SEM1: variants seen among roughly 807,000 people sequenced by gnomAD.
SEM1 encodes 26S proteasome complex subunit SEM1.
A neutral mutation model predicts 12.7 loss-of-function variants in SEM1; 3 were observed. The observed-to-expected ratio is 0.24, with a 90% CI of 0.11 to 0.61. SEM1 has a LOEUF of 0.61. Ranked by LOEUF, SEM1 falls within the 20% of genes least tolerant of loss-of-function variation. The pLI, the probability that SEM1 is intolerant of heterozygous loss-of-function variation, is 0.88. For synonymous variants in SEM1, 30 were observed against 27.8 expected, an observed-to-expected ratio of 1.08 and a Z score of -0.25; for missense variants, 59 against 81.3, an observed-to-expected ratio of 0.73 and a Z score of 1.06.
intron 3 of SEM1, among the ~76,000 whole-genome samples, chr7:96,501,683 T>TTATGTG (rs1490568222): frequency 6.6e-6 from 1 of 152,200 alleles, no homozygotes; most frequent in African/African-American, 2.4e-5. Context: ...ATTATCATTA[T>TTATGTG]TATGTGTGCA....
At chr7:96,618,903 A>G (rs751806486), downstream of SEM1, among the ~76,000 whole-genome samples, 8 of 152,132 alleles carry the variant, frequency 5.3e-5, no homozygotes, top group Non-Finnish European at 1.2e-4. Context: ...GTGAGCCATG[A>G]TTACACCTCT....
chr7:96,541,852 G>T (rs1804965834), intron 2 of SEM1, among the ~76,000 whole-genome samples: 1 of 150,714 alleles, frequency 6.6e-6, no homozygotes, highest in Non-Finnish European at 1.5e-5. Context: ...TTTCCCCATT[G>T]CTTATTTTTG....
At chr7:96,501,372 A>T (rs1803532120) in intron 3 of SEM1, among the ~76,000 whole-genome samples, 1 of 152,132 alleles carries the variant, frequency 6.6e-6, no homozygotes, top group South Asian at 2.1e-4. Flanking sequence ...GATCTGAGCA[A>T]CATATAATTG....
chr7:96,492,014 G>C (rs780120939), intron 1 of SEM1, among the ~76,000 whole-genome samples: 13 of 152,058 alleles, frequency 8.5e-5, no homozygotes, highest in Non-Finnish European at 1.3e-4. Context: ...GCACTTCCTT[G>C]GTTTGCCCTC....
chr7:96,516,424 C>T (rs1474357152), intron 2 of SEM1, among the ~76,000 whole-genome samples: 1 of 152,068 alleles, frequency 6.6e-6, no homozygotes, highest in Admixed American at 6.6e-5. Context: ...GGGCCAAAGA[C>T]CTAAACAGAC....
At chr7:96,668,677 A>G (rs1584849829), downstream of SEM1, among the ~76,000 whole-genome samples, 2 of 152,178 alleles carry the variant, frequency 1.3e-5, no homozygotes, top group South Asian at 2.1e-4. Flanking sequence ...GTGACTTTGA[A>G]TAAGTTCCTT....
chr7:96,503,765 A>G (rs1032350320), intron 3 of SEM1, among the ~76,000 whole-genome samples: 1 of 152,104 alleles, frequency 6.6e-6, no homozygotes, highest in African/African-American at 2.4e-5. Context: ...CCCTAAACTG[A>G]GGATTGCTGC....
chr7:96,694,182 G>T (rs1035222814), intron 2 of SEM1, among the ~76,000 whole-genome samples: 8 of 151,858 alleles, frequency 5.3e-5, no homozygotes, highest in African/African-American at 1.9e-4. Flanking sequence ...CAGCGGCCAG[G>T]GATTAGGGCA....
chr7:96,563,813 A>T (rs1805763704), intron 2 of SEM1, among the ~76,000 whole-genome samples: 1 of 152,138 alleles, frequency 6.6e-6, no homozygotes, highest in Non-Finnish European at 1.5e-5. Context: ...AACTGTTAAT[A>T]CTCACCTTCT....
At chr7:96,665,082 C>T (rs1278704643) in intron 2 of SEM1, among the ~76,000 whole-genome samples, 2 of 152,108 alleles carry the variant, frequency 1.3e-5, no homozygotes, top group East Asian at 1.9e-4. Flanking sequence ...CAGTTCTGAA[C>T]TCTCAGGGCT....
chr7:96,497,449 T>C (rs1803335850), upstream of SEM1, among the ~76,000 whole-genome samples: 4 of 152,130 alleles, frequency 2.6e-5, no homozygotes, highest in Admixed American at 2.0e-4. Flanking sequence ...AATAAAATGG[T>C]ACATGCTTAA....
intron 2 of SEM1, among the ~76,000 whole-genome samples, chr7:96,637,809 T>C (rs1057104076): frequency 4.6e-5 from 7 of 152,002 alleles, no homozygotes; most frequent in African/African-American, 1.7e-4. Flanking sequence ...TTCCCTCTTA[T>C]TACCCTGGCT....
intron 2 of SEM1, among the ~76,000 whole-genome samples, chr7:96,631,877 A>G (rs760708767): frequency 6.6e-6 from 1 of 152,240 alleles, no homozygotes; most frequent in Non-Finnish European, 1.5e-5. Flanking sequence ...AAACAATGCC[A>G]TCAAAAGTGG....
At chr7:96,586,664 A>G (rs1806647520) in intron 2 of SEM1, among the ~76,000 whole-genome samples, 1 of 152,226 alleles carries the variant, frequency 6.6e-6, no homozygotes, top group South Asian at 2.1e-4. Flanking sequence ...GAATTCACAG[A>G]AGAGGAGATT....
At chr7:96,531,917 A>C (rs901215477) in intron 2 of SEM1, among the ~76,000 whole-genome samples, 4 of 152,056 alleles carry the variant, frequency 2.6e-5, no homozygotes, top group African/African-American at 9.7e-5. Context: ...ATCCCTATTA[A>C]GTATTTTTAC....
At chr7:96,534,661 C>T (rs1169438525) in intron 2 of SEM1, among the ~76,000 whole-genome samples, 1 of 152,014 alleles carries the variant, frequency 6.6e-6, no homozygotes. Context: ...AATACTCTTT[C>T]TCAATGTGAG....
chr7:96,486,658 C>T (rs1312735710), intron 1 of SEM1, among the ~76,000 whole-genome samples: 1 of 152,150 alleles, frequency 6.6e-6, no homozygotes, highest in Non-Finnish European at 1.5e-5. Flanking sequence ...TACCAGCTAC[C>T]CAGCCTGGGT....
intron 2 of SEM1, among the ~76,000 whole-genome samples, chr7:96,643,059 C>T (rs996578852): frequency 1.3e-5 from 2 of 151,976 alleles, no homozygotes; most frequent in African/African-American, 4.8e-5. Flanking sequence ...ATGGATTAAG[C>T]CTAGTACCCA....
At chr7:96,636,818 G>A (rs1808442410) in intron 2 of SEM1, among the ~76,000 whole-genome samples, 1 of 151,992 alleles carries the variant, frequency 6.6e-6, no homozygotes, top group South Asian at 2.1e-4. Flanking sequence ...TTTACATGGT[G>A]CCTGTTATTG....
Sources: gnomAD v4.1 joint callset for allele counts (sites outside exome capture counted in the v4.1 genomes callset) on GRCh38, gnomAD v4.1.1 for gene constraint, MANE v1.5 for transcripts, NCBI Gene and HGNC (gene_info 2026-07-23, HGNC 2026-07-21) for gene names.